INTS6: variants seen among roughly 807,000 people sequenced by gnomAD.
INTS6 encodes DEAD box protein.
In INTS6, 16 loss-of-function variants were observed where a neutral mutation model predicts 104.9. The observed-to-expected ratio is 0.15, with a 90% CI of 0.10 to 0.23. The LOEUF is 0.23. INTS6 is among the 10% of genes least tolerant of loss of function. INTS6 has a pLI of 1.00. For synonymous variants in INTS6, 324 were observed against 358.7 expected (o/e 0.90, Z 1.09); for missense variants, 584 against 1,062.8 (o/e 0.55, Z 6.26).
At chr13:51,450,423 T>C in intron 3 of INTS6, 1 of 985,452 alleles carries the variant, frequency 1.0e-6, no homozygotes, top group Non-Finnish European at 1.2e-6. Flanking sequence ...AGTCTTTTTT[T>C]CCAAGGGTTT....
chr13:51,374,497 A>G lies in INTS6; in HGVS notation c.1873-58T>C, dbSNP rs1171582864. 3.9e-5 allele frequency: 61 copies of G among 1,549,600 alleles called. No homozygotes were observed. In the Middle Eastern group the frequency reaches 6.7e-4, roughly 17 times the overall value. On this transcript the variant is annotated intron_variant, in intron 14 of 17. Transcript: ENST00000311234. ...TTACAAACAATGTTTAAATGGCACA[A>G]CCAGTGTCAATTCCAATGAAGGTAA...
intron 15 of INTS6, among the ~76,000 whole-genome samples, chr13:51,373,330 C>A (rs922796909): frequency 6.6e-6 from 1 of 151,944 alleles, no homozygotes; most frequent in African/African-American, 2.4e-5. Context: ...TTGATAAGTC[C>A]ATTAATTCAT....
At chr13:51,446,760 T>A (rs1475475736) in intron 3 of INTS6, 1 of 152,156 alleles carries the variant, frequency 6.6e-6, no homozygotes, top group African/African-American at 2.4e-5. Context: ...AAAATATAAA[T>A]GAATGTTGAG....
chr13:51,409,546 C>T (rs1016264938), intron 4 of INTS6, among the ~76,000 whole-genome samples: 1 of 151,760 alleles, frequency 6.6e-6, no homozygotes, highest in Non-Finnish European at 1.5e-5. Flanking sequence ...AGAAATTTGG[C>T]AATGTCAACT....
chr13:51,397,716 T>C (rs770706298), intron 4 of INTS6, among the ~76,000 whole-genome samples: 22 of 152,218 alleles, frequency 1.4e-4, no homozygotes, highest in Non-Finnish European at 2.4e-4. Flanking sequence ...CCAGTGGTAC[T>C]GCGTGAAGTT....
At chr13:51,430,784 G>T (rs1957076285) in intron 3 of INTS6, among the ~76,000 whole-genome samples, 1 of 152,062 alleles carries the variant, frequency 6.6e-6, no homozygotes, top group South Asian at 2.1e-4. Context: ...TCTTAAAAAG[G>T]AAGGCAAGAC....
chr13:51,373,266 T>C (rs143429485), intron 15 of INTS6, among the ~76,000 whole-genome samples: 25 of 152,110 alleles, frequency 1.6e-4, no homozygotes, highest in African/African-American at 5.8e-4. Flanking sequence ...AGGAGTCATA[T>C]AATATTTTGT....
chr13:51,362,124 ATAGT>A lies in INTS6; in HGVS notation c.*3624_*3627del. The A allele has an allele frequency of 7.3e-7, 1 of 1,378,436 alleles. No homozygotes were observed. 85.4% of individuals were successfully genotyped at this position (1,378,436 alleles called of 1,614,324 possible). ...ACCTTCTCATTCTCTCAGCTCATAT[ATAGT>A]TAATGTAGATTTTTTTTTTTAATGC... is the stretch of plus-strand genomic sequence containing the variant. On this transcript the variant is annotated 3_prime_UTR_variant, in exon 18 of 18. Coordinates refer to ENST00000311234, the MANE Select transcript of INTS6 (RefSeq NM_012141.3).
At chr13:51,414,833 TAC>T (rs151197136) in intron 4 of INTS6, among the ~76,000 whole-genome samples, 8,213 of 142,830 alleles carry the variant, frequency 0.058, 226 homozygotes, top group Middle Eastern at 0.099. Context: ...AGTTCTTCTA[TAC>T]ACACACACAC....
chr13:51,392,200 C>T lies in INTS6; in HGVS notation c.614-2756G>A, dbSNP rs76880914. 8.8e-3 allele frequency among the ~76,000 whole-genome samples: 1,338 copies of T among 152,334 alleles called. 20 individuals carry two copies. Among genetic ancestry groups the T allele is most frequent in the African/African-American group, 0.03 (1,238 of 41,572 alleles). On this transcript the variant is annotated intron_variant, in intron 5 of 17. Transcript: ENST00000311234. ...CAGAAATAGAAATCAGACGTCACCT[C>T]CCGTAAAAAGCCTTCAAAAGGCTTC...
At chr13:51,406,316 G>T (rs1956564408) in intron 4 of INTS6, among the ~76,000 whole-genome samples, 1 of 152,074 alleles carries the variant, frequency 6.6e-6, no homozygotes, top group Non-Finnish European at 1.5e-5. Flanking sequence ...GGCTCAAAGG[G>T]TATGTCAAAC....
chr13:51,432,205 T>C (rs1957103889), intron 3 of INTS6, among the ~76,000 whole-genome samples: 1 of 152,210 alleles, frequency 6.6e-6, no homozygotes, highest in Non-Finnish European at 1.5e-5. Flanking sequence ...TGGTAGTTTT[T>C]ACACTTTAAA....
At chr13:51,416,806 T>C (rs1403340500) in intron 4 of INTS6, among the ~76,000 whole-genome samples, 1 of 152,218 alleles carries the variant, frequency 6.6e-6, no homozygotes, top group Non-Finnish European at 1.5e-5. Flanking sequence ...ACCAAACTAT[T>C]TCCCAAAGCA....
intron 3 of INTS6, among the ~76,000 whole-genome samples, chr13:51,430,785 A>C (rs2138102263): frequency 1.3e-5 from 2 of 152,328 alleles, no homozygotes; most frequent in Middle Eastern, 3.4e-3. Flanking sequence ...CTTAAAAAGG[A>C]AGGCAAGACA....
downstream of INTS6, chr13:51,361,128 A>G: frequency 1.9e-6 from 1 of 524,458 alleles, no homozygotes. Context: ...CAGTAAAAAC[A>G]AAAACAGAAT....
At chr13:51,435,006 T>C (rs1203165154) in intron 3 of INTS6, among the ~76,000 whole-genome samples, 1 of 152,098 alleles carries the variant, frequency 6.6e-6, no homozygotes, top group East Asian at 1.9e-4. Context: ...TTATTTTACA[T>C]TGTTATTCCT....
At chr13:51,346,779 A>T in the INTS6 span, among the ~76,000 whole-genome samples, 1 of 152,236 alleles carries the variant, frequency 6.6e-6, no homozygotes, top group Non-Finnish European at 1.5e-5. Context: ...ATCGCTCAAC[A>T]GTCCCCAAAA....
downstream of INTS6, among the ~76,000 whole-genome samples, chr13:51,359,187 G>C (rs757678651): frequency 6.6e-6 from 1 of 151,996 alleles, no homozygotes; most frequent in African/African-American, 2.4e-5. Flanking sequence ...AGTAGAAAAA[G>C]ACCAGGAGAA....
chr13:51,414,447 G>A (rs1421652917), intron 4 of INTS6, among the ~76,000 whole-genome samples: 1 of 152,088 alleles, frequency 6.6e-6, no homozygotes. Context: ...CAGAAAATAT[G>A]CATTCAAAGA....
Sources: gnomAD v4.1 joint callset for allele counts (sites outside exome capture counted in the v4.1 genomes callset) on GRCh38, gnomAD v4.1.1 for gene constraint, MANE v1.5 for transcripts, NCBI Gene and HGNC (gene_info 2026-07-23, HGNC 2026-07-21) for gene names.